TENM3: variants seen among roughly 807,000 people sequenced by gnomAD.
TENM3 encodes the protein teneurin transmembrane protein 3.
A neutral mutation model predicts 255.1 loss-of-function variants in TENM3; 63 were observed. The observed-to-expected ratio is 0.25, with a 90% CI of 0.20 to 0.30. The LOEUF is 0.30. Ranked by LOEUF, TENM3 falls within the 10% of genes least tolerant of loss-of-function variation. TENM3 has a pLI of 1.00. For missense variants in TENM3, 2,929 were observed against 3,461.1 expected (o/e 0.85, Z 3.86); for synonymous variants, 1,306 against 1,322.3 (o/e 0.99, Z 0.27).
At chr4:182,588,189 C>T (rs1235938902) in intron 3 of TENM3, among the ~76,000 whole-genome samples, 1 of 152,158 alleles carries the variant, frequency 6.6e-6, no homozygotes, top group Admixed American at 6.5e-5. Context: ...TGACTCCAAT[C>T]CTGCTCTCCC....
chr4:182,117,054 C>A, the TENM3 span, among the ~76,000 whole-genome samples: 1 of 152,262 alleles, frequency 6.6e-6, no homozygotes, highest in East Asian at 1.9e-4. Flanking sequence ...TGTTGAATAT[C>A]TTTTCATATG....
chr4:181,967,244 A>G, the TENM3 span, among the ~76,000 whole-genome samples: 1 of 152,286 alleles, frequency 6.6e-6, no homozygotes, highest in Non-Finnish European at 1.5e-5. Context: ...CAGGAGAATG[A>G]GGTCCAAATA....
chr4:182,138,033 G>A, the TENM3 span, among the ~76,000 whole-genome samples: 1 of 152,178 alleles, frequency 6.6e-6, no homozygotes, highest in Non-Finnish European at 1.5e-5. Flanking sequence ...GCCTAGCTGA[G>A]CTTGCTTAAT....
the TENM3 span, among the ~76,000 whole-genome samples, chr4:181,534,196 C>T: frequency 1.3e-5 from 2 of 150,438 alleles, no homozygotes; most frequent in Non-Finnish European, 1.5e-5. Flanking sequence ...CACCATTGCA[C>T]TCCAGCCTGG....
intron 3 of TENM3, among the ~76,000 whole-genome samples, chr4:182,514,342 T>C (rs1019872349): frequency 6.6e-6 from 1 of 152,148 alleles, no homozygotes; most frequent in African/African-American, 2.4e-5. Flanking sequence ...ACTGACAGAT[T>C]TCTAGCTTGA....
intron 3 of TENM3, among the ~76,000 whole-genome samples, chr4:182,570,826 T>G (rs1744281765): frequency 8.3e-6 from 1 of 120,054 alleles, no homozygotes; most frequent in Non-Finnish European, 2.0e-5. Context: ...CGAGACTCTG[T>G]GTCAAAAAAA....
At chr4:182,513,575 G>A (rs1737634183) in intron 3 of TENM3, among the ~76,000 whole-genome samples, 1 of 151,894 alleles carries the variant, frequency 6.6e-6, no homozygotes, top group African/African-American at 2.4e-5. Flanking sequence ...CTGGCTTTTA[G>A]AAAGATAATT....
chr4:182,195,731 G>T (rs930042459), intron 1 of TENM3, among the ~76,000 whole-genome samples: 14 of 152,228 alleles, frequency 9.2e-5, no homozygotes, highest in Non-Finnish European at 4.4e-5. Flanking sequence ...AAATTAATTT[G>T]TCAATATGCC....
the TENM3 span, among the ~76,000 whole-genome samples, chr4:181,526,623 C>T: frequency 6.6e-6 from 1 of 151,970 alleles, no homozygotes; most frequent in Non-Finnish European, 1.5e-5. Flanking sequence ...TTACTCTTAA[C>T]AATGTTTTGA....
chr4:182,538,044 C>T (rs1013888820), intron 3 of TENM3, among the ~76,000 whole-genome samples: 1 of 152,162 alleles, frequency 6.6e-6, no homozygotes, highest in African/African-American at 2.4e-5. Flanking sequence ...AGTAAAAATG[C>T]TCATAGTGCT....
At chr4:181,705,393 A>T in the TENM3 span, among the ~76,000 whole-genome samples, 1 of 152,188 alleles carries the variant, frequency 6.6e-6, no homozygotes, top group Non-Finnish European at 1.5e-5. Context: ...TGTTTCCACT[A>T]TGGAACACTT....
chr4:182,679,079 G>T (rs1050438259), intron 7 of TENM3, among the ~76,000 whole-genome samples: 3 of 152,250 alleles, frequency 2.0e-5, no homozygotes, highest in Admixed American at 1.3e-4. Flanking sequence ...GGCTAGGGGA[G>T]GGATAGCATT....
At chr4:181,786,057 C>T in the TENM3 span, among the ~76,000 whole-genome samples, 1 of 152,126 alleles carries the variant, frequency 6.6e-6, no homozygotes, top group Non-Finnish European at 1.5e-5. Context: ...TCTGTGATTC[C>T]ATACGCAAGC....
At chr4:181,777,606 C>G in the TENM3 span, among the ~76,000 whole-genome samples, 3 of 152,038 alleles carry the variant, frequency 2.0e-5, no homozygotes, top group Non-Finnish European at 4.4e-5. Flanking sequence ...TTTGTCAGCT[C>G]TCTTGATTTT....
chr4:181,749,558 GTC>G, the TENM3 span, among the ~76,000 whole-genome samples: 2 of 152,120 alleles, frequency 1.3e-5, no homozygotes, highest in Non-Finnish European at 2.9e-5. Context: ...TAAAGAGAAA[GTC>G]TCTCTCTGCT....
intron 13 of TENM3, among the ~76,000 whole-genome samples, chr4:182,717,682 A>T (rs902393500): frequency 1.3e-5 from 2 of 152,218 alleles, no homozygotes; most frequent in Non-Finnish European, 2.9e-5. Context: ...AATATCCCCA[A>T]TGGGGCACGT....
chr4:182,303,849 T>C (rs1305089732), intron 1 of TENM3, among the ~76,000 whole-genome samples: 1 of 152,226 alleles, frequency 6.6e-6, no homozygotes, highest in Non-Finnish European at 1.5e-5. Flanking sequence ...GGCCGTAGGA[T>C]CCTCAGATTA....
chr4:182,030,000 C>CTTTTTTTTTTTTTTTTTTTTTTTTTTTT, the TENM3 span, among the ~76,000 whole-genome samples: 2 of 83,448 alleles, frequency 2.4e-5, 1 homozygote, highest in Non-Finnish European at 4.4e-5. Context: ...CATCTCTCTC[C>CTTTTTTTTTTTTTTTTTTTTTTTTTTTT]TTTTTTTCTT....
At chr4:181,902,533 C>T in the TENM3 span, among the ~76,000 whole-genome samples, 5 of 152,050 alleles carry the variant, frequency 3.3e-5, no homozygotes, top group Admixed American at 6.6e-5. Context: ...AAATGCCCAT[C>T]AATGATAGAC....
Sources: gnomAD v4.1 joint callset for allele counts (sites outside exome capture counted in the v4.1 genomes callset) on GRCh38, gnomAD v4.1.1 for gene constraint, MANE v1.5 for transcripts, NCBI Gene and HGNC (gene_info 2026-07-23, HGNC 2026-07-21) for gene names.